The following NHSL1 variants were observed in gnomAD, a reference collection of about 807,000 sequenced individuals.
The protein encoded by NHSL1 is NHS like 1, also known as NHS-like protein 1.
In NHSL1, 48 loss-of-function variants were observed where a neutral mutation model predicts 95.0. The ratio of observed to expected loss-of-function variants is 0.51; its 90% CI spans 0.40 to 0.64. The LOEUF is 0.64. Among genes scored for constraint, NHSL1 ranks in the 30% least tolerant of loss-of-function variants. NHSL1 has a pLI of 0.00. For missense variants in NHSL1, 1,971 were observed against 2,077.7 expected, an observed-to-expected ratio of 0.95 and a Z score of 1.00; for synonymous variants, 783 against 833.9, an observed-to-expected ratio of 0.94 and a Z score of 1.05.
At chr6:138,435,749 T>C (rs541884379) in intron 5 of NHSL1, among the ~76,000 whole-genome samples, 1 of 152,084 alleles carries the variant, frequency 6.6e-6, no homozygotes, top group African/African-American at 2.4e-5. Flanking sequence ...TTTTTTTTTT[T>C]ACAAGTCGAA....
chr6:138,562,731 T>C (rs1385712852), intron 1 of NHSL1, among the ~76,000 whole-genome samples: 2 of 152,106 alleles, frequency 1.3e-5, no homozygotes, highest in Non-Finnish European at 1.5e-5. Context: ...CATGTGCCTA[T>C]ATAATCCCTT....
rs1159097321 is a variant in NHSL1 at position 138,644,321 on chromosome 6, T to G, written c.96+48155A>C. ...TTCGAGACCAGTCTGACCAACATGG[T>G]GAAACCTGGTGTCTACTAAAAATAC... On this transcript the variant is annotated intron_variant, in intron 1 of 3. Coordinates refer to the NHSL1 transcript ENST00000491526. Among the ~76,000 whole-genome samples, 5 of 152,132 alleles carry G rather than the reference T, an allele frequency of 3.3e-5. No homozygotes were observed. The South Asian group carries it at 6.2e-4, about 19-fold the overall frequency.
intron 2 of NHSL1, among the ~76,000 whole-genome samples, chr6:138,477,677 A>G (rs1779160610): frequency 6.6e-6 from 1 of 152,192 alleles, no homozygotes; most frequent in Admixed American, 6.5e-5. Context: ...AAAACTTAAC[A>G]CTACTCAAAC....
chr6:138,663,541 CAA>C, intron 1 of NHSL1, among the ~76,000 whole-genome samples: 1 of 104,454 alleles, frequency 9.6e-6, no homozygotes, highest in Non-Finnish European at 1.9e-5. Flanking sequence ...GCCTGGGCAA[CAA>C]GAGCAAAACT....
At chr6:138,615,431 CT>C (rs1016248500) in intron 1 of NHSL1, among the ~76,000 whole-genome samples, 2 of 152,168 alleles carry the variant, frequency 1.3e-5, no homozygotes, top group Non-Finnish European at 2.9e-5. Context: ...TAGGAAACAC[CT>C]TTTTTATATG....
rs569788802 is a variant in NHSL1 at position 138,493,291 on chromosome 6, G to A, written c.211+2928C>T. ...AATTTTATTAATAGTAAATCCCTTT[G>A]ATGAACCATTTTAGAGCATTAAAGC... On this transcript the variant is annotated intron_variant, in intron 2 of 7. Coordinates refer to ENST00000343505, the MANE Select transcript of NHSL1 (RefSeq NM_001144060.2). Among the ~76,000 whole-genome samples the A allele has an allele frequency of 4.1e-3, 619 of 152,264 alleles. 2 individuals carry two copies. Among genetic ancestry groups the A allele is most frequent in the Non-Finnish European group, 4.8e-3 (328 of 68,026 alleles).
At chr6:138,633,371 C>T (rs918071108) in intron 1 of NHSL1, among the ~76,000 whole-genome samples, 1 of 152,052 alleles carries the variant, frequency 6.6e-6, no homozygotes, top group African/African-American at 2.4e-5. Flanking sequence ...GTGGGTTTAA[C>T]CCAAAAAGAC....
intron 1 of NHSL1, among the ~76,000 whole-genome samples, chr6:138,623,034 A>G (rs1440015398): frequency 6.6e-6 from 1 of 152,248 alleles, no homozygotes; most frequent in Non-Finnish European, 1.5e-5. Flanking sequence ...TGCAACAGCC[A>G]GGCATGTTCA....
intron 1 of NHSL1, among the ~76,000 whole-genome samples, chr6:138,645,926 C>T (rs925029270): frequency 3.9e-5 from 6 of 152,266 alleles, no homozygotes; most frequent in African/African-American, 1.4e-4. Flanking sequence ...TCAATGTATA[C>T]TGTTAAAAAT....
intron 1 of NHSL1, among the ~76,000 whole-genome samples, chr6:138,531,822 T>G (rs1176209812): frequency 6.6e-6 from 1 of 152,300 alleles, no homozygotes; most frequent in East Asian, 1.9e-4. Context: ...TAATTCTTTT[T>G]CTGATATTAA....
At chr6:138,455,902 GGA>G (rs1217721525) in intron 3 of NHSL1, among the ~76,000 whole-genome samples, 1 of 152,176 alleles carries the variant, frequency 6.6e-6, no homozygotes, top group Non-Finnish European at 1.5e-5. Flanking sequence ...GAGATGATTG[GGA>G]GAGTGGCCAA....
intron 1 of NHSL1, among the ~76,000 whole-genome samples, chr6:138,577,558 T>G (rs765666294): frequency 1.3e-5 from 2 of 152,034 alleles, no homozygotes; most frequent in South Asian, 4.2e-4. Flanking sequence ...GAGAACCACA[T>G]AGAGCACAGA....
intron 1 of NHSL1, among the ~76,000 whole-genome samples, chr6:138,516,318 G>C (rs1347784063): frequency 1.3e-5 from 2 of 152,164 alleles, no homozygotes; most frequent in Non-Finnish European, 2.9e-5. Context: ...CCAGCTGAGA[G>C]AGCTATGCCT....
intron 1 of NHSL1, among the ~76,000 whole-genome samples, chr6:138,620,107 G>A (rs1784635384): frequency 6.6e-6 from 1 of 151,658 alleles, no homozygotes; most frequent in Non-Finnish European, 1.5e-5. Flanking sequence ...GAGATAACAA[G>A]ATAACATTTA....
At chr6:138,569,136 C>T (rs1006703712) in intron 1 of NHSL1, among the ~76,000 whole-genome samples, 11 of 152,080 alleles carry the variant, frequency 7.2e-5, no homozygotes, top group Non-Finnish European at 1.6e-4. Context: ...GCTGCAGAAC[C>T]GGACCCCCGC....
At chr6:138,574,484 C>A (rs1402431944), upstream of NHSL1, among the ~76,000 whole-genome samples, 1 of 151,990 alleles carries the variant, frequency 6.6e-6, no homozygotes, top group East Asian at 1.9e-4. Context: ...AAACAATGAA[C>A]ACAATTCTCT....
rs1275767131 is a variant in NHSL1 at position 138,442,000 on chromosome 6, T to C, written c.647A>G (p.Asn216Ser). Residue 216 changes from asparagine to serine, a missense_variant, in exon 5 of 8, where the codon AAC becomes AGC. By Grantham distance (46) the Asn-to-Ser change is conservative (BLOSUM62 1). Transcript: ENST00000343505. ...AGCCATACCTAGCTCCTTCTGTATG[T>C]TGTCAGGGACTCCTGTAATAGTCTT... ...RRKTITGVPDNIQKELASGTG... is the reference protein window; with the variant it reads ...RRKTITGVPDSIQKELASGTG... The C allele has an allele frequency of 1.9e-6, 3 of 1,551,154 alleles. No homozygotes were observed. The highest frequency in any genetic ancestry group is 3.9e-5 in the Admixed American group (2 of 50,910).
chr6:138,623,710 C>A (rs1316775391), intron 1 of NHSL1, among the ~76,000 whole-genome samples: 2 of 152,148 alleles, frequency 1.3e-5, no homozygotes, highest in Non-Finnish European at 2.9e-5. Context: ...AACTCACAAT[C>A]CTGATTACAG....
At chr6:138,596,861 C>G (rs922662178) in intron 1 of NHSL1, among the ~76,000 whole-genome samples, 1 of 152,052 alleles carries the variant, frequency 6.6e-6, no homozygotes, top group African/African-American at 2.4e-5. Flanking sequence ...TCCTACCTTG[C>G]GTGAGTTAAG....
Sources: gnomAD v4.1 joint callset for allele counts (sites outside exome capture counted in the v4.1 genomes callset) on GRCh38, gnomAD v4.1.1 for gene constraint, MANE v1.5 for transcripts, NCBI Gene and HGNC (gene_info 2026-07-23, HGNC 2026-07-21) for gene names.